ADAMTS17: variants seen among roughly 807,000 people sequenced by gnomAD.
The protein encoded by ADAMTS17 is A disintegrin and metalloproteinase with thrombospondin motifs 17.
ADAMTS17 carries 113 observed loss-of-function variants against 141.5 expected under a neutral mutation model. The ratio of observed to expected loss-of-function variants is 0.80; its 90% CI spans 0.69 to 0.93. ADAMTS17 has a LOEUF of 0.93. ADAMTS17 is among the 40% of genes least tolerant of loss of function. The pLI is 0.00. For missense variants in ADAMTS17, 1,659 were observed against 1,517.9 expected (o/e 1.09, Z -1.54); for synonymous variants, 768 against 630.6 (o/e 1.22, Z -3.27).
intron 12 of ADAMTS17, among the ~76,000 whole-genome samples, chr15:100,131,291 C>G (rs2038027524): frequency 6.9e-6 from 1 of 145,626 alleles, no homozygotes; most frequent in Admixed American, 7.1e-5. Flanking sequence ...ATGGGTGCAG[C>G]AAACCACCAT....
chr15:100,010,824 C>T (rs185886097), intron 18 of ADAMTS17, among the ~76,000 whole-genome samples: 150 of 152,302 alleles, frequency 9.8e-4, no homozygotes, highest in Middle Eastern at 3.4e-3. Context: ...CCCAGAGGGA[C>T]GCTTTACAGG....
chr15:100,109,111 G>A lies in ADAMTS17; in HGVS notation c.1894C>T (p.Pro632Ser), dbSNP rs2141097558. The change falls in exon 14 of 22, where the codon CCA (proline) becomes TCA (serine). Residue 632 changes from proline to serine, a missense_variant. Transcript: ENST00000268070. ...AGGGGCGAGCAGTAGAGTTCACATG[G>A]CTTATCTGAGGAGGGAAAGGTTGGA... Reference protein sequence around the residue: ...LLTAVVVDDKPCELYCSPLGK... With the variant: ...LLTAVVVDDKSCELYCSPLGK... The A allele has an allele frequency of 6.2e-7, 1 of 1,611,362 alleles. No homozygotes were observed. The highest frequency in any genetic ancestry group is 1.7e-5 in the Admixed American group (1 of 59,598).
chr15:100,301,190 T>C (rs1298309909), intron 3 of ADAMTS17, among the ~76,000 whole-genome samples: 1 of 152,236 alleles, frequency 6.6e-6, no homozygotes, highest in Admixed American at 6.5e-5. Context: ...TTACATTAAC[T>C]TTTTAACTCA....
At chr15:100,157,627 A>G (rs1298487837) in intron 8 of ADAMTS17, among the ~76,000 whole-genome samples, 3 of 152,182 alleles carry the variant, frequency 2.0e-5, no homozygotes, top group Non-Finnish European at 4.4e-5. Context: ...CAAAGCGAGC[A>G]TTTGGTAAAA....
chr15:100,249,192 C>T (rs1025305996), intron 7 of ADAMTS17, among the ~76,000 whole-genome samples: 7 of 152,166 alleles, frequency 4.6e-5, no homozygotes, highest in Admixed American at 1.3e-4. Context: ...CTGCAGGGCT[C>T]AGGAGAATCA....
At position 100,144,823 on chromosome 15, in the gene ADAMTS17, G is replaced by A. The variant is rs1327803558; in HGVS notation, c.1473+7789C>T. ...GAGACCAGGGAGGCCTCTCCCTCCTGCCAGGGAACAGTGTGGGCTCATCTT... is the reference window on the plus strand; with the variant it reads ...GAGACCAGGGAGGCCTCTCCCTCCTACCAGGGAACAGTGTGGGCTCATCTT... On this transcript the variant is annotated intron_variant, in intron 10 of 21. Transcript: ENST00000268070. Among the ~76,000 whole-genome samples the A allele has an allele frequency of 8.0e-5, 12 of 150,306 alleles. No homozygotes were observed. The Admixed American group carries it at 8.1e-4, about 10-fold the overall frequency.
chr15:100,257,026 G>C (rs1403590063), intron 6 of ADAMTS17: 3 of 152,370 alleles, frequency 2.0e-5, no homozygotes, highest in African/African-American at 7.2e-5. Flanking sequence ...CTAGCCACCT[G>C]TTTGTCAGGG....
intron 8 of ADAMTS17, among the ~76,000 whole-genome samples, chr15:100,174,623 G>C (rs2040272560): frequency 6.6e-6 from 1 of 152,068 alleles, no homozygotes; most frequent in Admixed American, 6.6e-5. Context: ...ATAAATTATA[G>C]CTTCTTGCAG....
chr15:100,156,084 G>A (rs2039422361), intron 8 of ADAMTS17, among the ~76,000 whole-genome samples: 1 of 152,160 alleles, frequency 6.6e-6, no homozygotes, highest in Non-Finnish European at 1.5e-5. Context: ...AAAAGAACAT[G>A]TACTTTCATT....
At position 99,994,712 on chromosome 15, in the gene ADAMTS17, G is replaced by A. The variant is rs1297637932; in HGVS notation, c.2797-1512C>T. Among the ~76,000 whole-genome samples the A allele has an allele frequency of 2.0e-5, 3 of 152,032 alleles. No individual in the cohort carries two copies. In the South Asian group the frequency reaches 6.2e-4, roughly 32 times the overall value. On this transcript the variant is annotated intron_variant, in intron 19 of 21. Transcript: ENST00000268070. ...CTCCTGAGTAGCTGGGATTACAGGCGCCCATCACCATGCCTGGCTAATTTT... is the reference window on the plus strand; with the variant it reads ...CTCCTGAGTAGCTGGGATTACAGGCACCCATCACCATGCCTGGCTAATTTT...
intron 6 of ADAMTS17, among the ~76,000 whole-genome samples, chr15:100,257,349 C>T (rs1242959711): frequency 2.0e-5 from 3 of 152,200 alleles, no homozygotes; most frequent in East Asian, 1.9e-4. Context: ...GCTTCCTGCC[C>T]GACTCCACTG....
At chr15:100,217,529 G>A (rs1596301663) in intron 7 of ADAMTS17, among the ~76,000 whole-genome samples, 1 of 152,232 alleles carries the variant, frequency 6.6e-6, no homozygotes, top group African/African-American at 2.4e-5. Context: ...AATCCGGGAG[G>A]CGGAGGCTGC....
At chr15:100,002,237 T>A (rs1420146402) in intron 18 of ADAMTS17, among the ~76,000 whole-genome samples, 1 of 152,002 alleles carries the variant, frequency 6.6e-6, no homozygotes, top group African/African-American at 2.4e-5. Context: ...GACGTCAGGC[T>A]TTAGGGTGAG....
intron 10 of ADAMTS17, among the ~76,000 whole-genome samples, chr15:100,134,558 G>A (rs555841844): frequency 2.1e-4 from 32 of 152,286 alleles, no homozygotes; most frequent in African/African-American, 7.2e-4. Context: ...GGTGGTCACC[G>A]TGTGGTTTGC....
intron 8 of ADAMTS17, among the ~76,000 whole-genome samples, chr15:100,185,254 T>C (rs1422919481): frequency 6.6e-6 from 1 of 152,158 alleles, no homozygotes; most frequent in Non-Finnish European, 1.5e-5. Context: ...AATTACCCCA[T>C]GGAGTAGCTG....
intron 7 of ADAMTS17, among the ~76,000 whole-genome samples, chr15:100,206,540 G>A (rs1391987340): frequency 6.6e-6 from 1 of 152,226 alleles, no homozygotes; most frequent in East Asian, 1.9e-4. Context: ...TTCAGTGACA[G>A]CTTTCAGCCT....
chr15:100,203,680 G>A (rs976236189), intron 7 of ADAMTS17, among the ~76,000 whole-genome samples: 2 of 152,162 alleles, frequency 1.3e-5, no homozygotes, highest in African/African-American at 4.8e-5. Context: ...ACTCCAGCCT[G>A]AGAGACAGAG....
chr15:100,125,759 C>T lies in ADAMTS17; in HGVS notation c.1721+6248G>A, dbSNP rs1422601359. On this transcript the variant is annotated intron_variant, in intron 12 of 21. Coordinates refer to ENST00000268070, the MANE Select transcript of ADAMTS17 (RefSeq NM_139057.4). The stretch of plus-strand genomic sequence containing the variant: ...GCCTAGGGAGTCGCTTTGGAAACAC[C>T]GATGGTCCCTAAGGCCTCCACGTCA... 3.3e-5 allele frequency among the ~76,000 whole-genome samples: 5 copies of T among 152,040 alleles called. No homozygotes were observed. The East Asian group carries it at 7.7e-4, about 23-fold the overall frequency.
chr15:100,216,028 T>C (rs993979175), intron 7 of ADAMTS17, among the ~76,000 whole-genome samples: 5 of 152,190 alleles, frequency 3.3e-5, no homozygotes, highest in African/African-American at 1.2e-4. Context: ...CAGCAGAGTC[T>C]GAGCGGGGTG....
Sources: allele counts gnomAD v4.1 joint callset (sites outside exome capture counted in the v4.1 genomes callset), GRCh38; gene constraint gnomAD v4.1.1; transcripts MANE v1.5; gene names NCBI Gene and HGNC (gene_info 2026-07-23, HGNC 2026-07-21).